Variants in DNAJC13 observed in about 807,000 individuals in gnomAD.
The protein encoded by DNAJC13 is DnaJ heat shock protein family (Hsp40) member C13, also known as dnaJ homolog subfamily C member 13.
In DNAJC13, 75 loss-of-function variants were observed where a neutral mutation model predicts 290.5. The observed-to-expected ratio is 0.26, with a 90% CI of 0.21 to 0.31. The LOEUF is 0.31. Among genes scored for constraint, DNAJC13 ranks in the 10% least tolerant of loss-of-function variants. DNAJC13 has a pLI of 1.00. For missense variants in DNAJC13, 2,260 were observed against 2,674.5 expected (o/e 0.85, Z 3.42); for synonymous variants, 862 against 892.0 (o/e 0.97, Z 0.60).
chr3:132,421,226 A>G (rs921754388), intron 1 of DNAJC13, among the ~76,000 whole-genome samples: 1 of 152,276 alleles, frequency 6.6e-6, no homozygotes, highest in African/African-American at 2.4e-5. Flanking sequence ...GTTGGGTACA[A>G]TTTTCTGCGT....
At chr3:132,537,379 T>C in intron 55 of DNAJC13, 1 of 387,196 alleles carries the variant, frequency 2.6e-6, no homozygotes, top group South Asian at 1.9e-5. Context: ...AAACTATTGC[T>C]CAGTATGCAG....
intron 38 of DNAJC13, among the ~76,000 whole-genome samples, 161 bp from the exon 39 acceptor site, chr3:132,500,627 TAATGAG>T (rs1935377780): frequency 6.6e-6 from 1 of 152,228 alleles, no homozygotes; most frequent in Admixed American, 6.5e-5. Flanking sequence ...TAGGAAATCT[TAATGAG>T]AAAGACTAGT....
intron 55 of DNAJC13, among the ~76,000 whole-genome samples, chr3:132,531,413 G>A (rs1191620146): frequency 6.6e-6 from 1 of 152,188 alleles, no homozygotes; most frequent in Non-Finnish European, 1.5e-5. Flanking sequence ...ATAAATATCT[G>A]CTGAGGAATA....
intron 45 of DNAJC13, among the ~76,000 whole-genome samples, chr3:132,513,865 A>G (rs1000603705): frequency 3.3e-5 from 5 of 152,218 alleles, no homozygotes; most frequent in African/African-American, 1.2e-4. Flanking sequence ...TGCAAAGAAC[A>G]CCAAATGCAA....
chr3:132,480,899 G>T (rs1237195925), intron 26 of DNAJC13, among the ~76,000 whole-genome samples: 1 of 152,136 alleles, frequency 6.6e-6, no homozygotes, highest in African/African-American at 2.4e-5. Flanking sequence ...GATGTTTTTG[G>T]TGTTTTAATT....
rs990010388 is a variant in DNAJC13, at chr3:132,447,796, G to A, written c.295-102G>A. ...CTTGAATAACAGTTTTTAGTGTCCA[G>A]GTTACCAAGTCAGGATTTTACTTGC... On this transcript the variant is annotated intron_variant, in intron 4 of 55. Transcript: ENST00000260818. 5.5e-6 allele frequency: 5 copies of A among 904,448 alleles called. No individual in the cohort carries two copies. In the East Asian group the frequency reaches 9.9e-5, roughly 18 times the overall value. The allele number at this position is 904,448 out of a possible 1,614,324, so 56.0% of individuals were successfully genotyped here.
At chr3:132,489,759 A>C (rs561176198) in intron 31 of DNAJC13, among the ~76,000 whole-genome samples, 105 of 152,262 alleles carry the variant, frequency 6.9e-4, no homozygotes, top group Middle Eastern at 3.4e-3. Flanking sequence ...AAGCCCTAGA[A>C]AGTAACCCAT....
chr3:132,492,752 ACT>A lies in DNAJC13; in HGVS notation c.3825+140_3825+141del, dbSNP rs751455519. ...CTTCTTAAGCACTAAGCACTGTGTG[ACT>A]CTGAGTATAGTTTATTATATTTGGG... On this transcript the variant is annotated intron_variant, in intron 33 of 55. Coordinates refer to ENST00000260818, the MANE Select transcript of DNAJC13 (RefSeq NM_015268.4). 562 of 703,374 alleles carry A rather than the reference ACT, an allele frequency of 8.0e-4. 3 individuals carry two copies. Among genetic ancestry groups the A allele is most frequent in the Middle Eastern group, 8.1e-4 (2 of 2,462 alleles). The allele number at this position is 703,374 out of a possible 1,614,324, so 43.6% of individuals were successfully genotyped here.
At chr3:132,444,748 A>G (rs1295404813) in intron 2 of DNAJC13, among the ~76,000 whole-genome samples, 1 of 152,172 alleles carries the variant, frequency 6.6e-6, no homozygotes, top group African/African-American at 2.4e-5. Context: ...AGTTCCTATT[A>G]ATTGATTAAG....
intron 51 of DNAJC13, 113 bp from the exon 52 acceptor site, chr3:132,525,497 A>G (rs1281220632): frequency 9.5e-7 from 1 of 1,049,802 alleles, no homozygotes; most frequent in East Asian, 2.4e-5. Flanking sequence ...GTTTTCAAGT[A>G]TCAGCACTTA....
At chr3:132,472,340 C>G (rs1934309921) in intron 20 of DNAJC13, among the ~76,000 whole-genome samples, 1 of 152,156 alleles carries the variant, frequency 6.6e-6, no homozygotes, top group Non-Finnish European at 1.5e-5. Flanking sequence ...AAGTATGTGC[C>G]TATCTCTGAA....
At chr3:132,438,137 C>T (rs1327055172) in intron 2 of DNAJC13, among the ~76,000 whole-genome samples, 1 of 151,308 alleles carries the variant, frequency 6.6e-6, no homozygotes, top group Non-Finnish European at 1.5e-5. Flanking sequence ...GCCATCTTAA[C>T]AGCATTGTCT....
At chr3:132,433,050 A>G (rs931091695) in intron 1 of DNAJC13, among the ~76,000 whole-genome samples, 1 of 152,214 alleles carries the variant, frequency 6.6e-6, no homozygotes, top group Non-Finnish European at 1.5e-5. Context: ...TACATGGGGA[A>G]AGGTTAACAT....
intron 33 of DNAJC13, 66 bp from the exon 34 acceptor site, chr3:132,494,078 A>G (rs1418210600): frequency 7.3e-6 from 8 of 1,097,380 alleles, no homozygotes; most frequent in South Asian, 2.9e-5. Context: ...CAATAATTCT[A>G]TAACTTAAAA....
At chr3:132,442,289 A>C (rs887984473) in intron 2 of DNAJC13, among the ~76,000 whole-genome samples, 4 of 152,058 alleles carry the variant, frequency 2.6e-5, no homozygotes, top group African/African-American at 7.2e-5. Context: ...GAGCCACTGC[A>C]CCCGGCCACA....
chr3:132,501,053 C>T lies in DNAJC13; in HGVS notation c.4536+140C>T, dbSNP rs192407927. On this transcript the variant is annotated intron_variant, in intron 39 of 55. Transcript: ENST00000260818. ...TATTTGGATTTCTAAAAGCATTTTT[C>T]ACAGAAGCCTTGCTGTAAATGGAGG... The T allele has an allele frequency of 3.4e-4, 381 of 1,124,378 alleles. 2 individuals carry two copies. The African/African-American group carries it at 4.4e-3, about 13-fold the overall frequency. 69.7% of individuals were successfully genotyped at this position (1,124,378 alleles called of 1,614,324 possible).
chr3:132,517,411 G>A (rs1337162549), intron 48 of DNAJC13, among the ~76,000 whole-genome samples: 1 of 152,186 alleles, frequency 6.6e-6, no homozygotes, highest in Non-Finnish European at 1.5e-5. Context: ...TGGTATCAAT[G>A]TCCCTTTATT....
chr3:132,478,137 G>A lies in DNAJC13; in HGVS notation c.2706G>A (p.Glu902=), dbSNP rs1325991881. 4.4e-6 allele frequency: 7 copies of A among 1,600,810 alleles called. No homozygotes were observed. The highest frequency in any genetic ancestry group is 6.0e-6 in the Non-Finnish European group (7 of 1,176,210). Residue 902 remains glutamate (E), a synonymous_variant, in exon 24 of 56, where the codon GAG becomes GAA. Transcript: ENST00000260818. ...TDTRYIIGML[E]RCTDKLERDR... ...CCAGATATATCATTGGAATGTTAGA[G>A]AGGGTAAGGATATCATTTAAGGAAA...
At chr3:132,509,590 A>G (rs1228135367) in intron 43 of DNAJC13, among the ~76,000 whole-genome samples, 1 of 152,230 alleles carries the variant, frequency 6.6e-6, no homozygotes. Context: ...AATGTTGTCA[A>G]ACAGATCACA....
Sources: gnomAD v4.1 joint callset for allele counts (sites outside exome capture counted in the v4.1 genomes callset) on GRCh38, gnomAD v4.1.1 for gene constraint, MANE v1.5 for transcripts, NCBI Gene and HGNC (gene_info 2026-07-23, HGNC 2026-07-21) for gene names.